The following CSMD1 variants were observed in gnomAD, a reference collection of about 807,000 sequenced individuals.
CSMD1 encodes CUB and Sushi multiple domains 1, also known as CUB and sushi domain-containing protein 1.
CSMD1 carries 213 observed loss-of-function variants against 417.5 expected under a neutral mutation model. That is an observed-to-expected ratio of 0.51 (90% CI 0.46 to 0.57). The LOEUF (loss-of-function observed/expected upper bound fraction) is 0.57, where lower values mean the gene tolerates loss of function less well. Among genes scored for constraint, CSMD1 ranks in the 20% least tolerant of loss-of-function variants. The probability of loss-of-function intolerance (pLI) is 0.00; values close to 1 mark genes in which losing one functional copy is unlikely to be tolerated. For synonymous variants in CSMD1, 2,862 were observed against 1,736.8 expected, an observed-to-expected ratio of 1.65 and a Z score of -16.11; for missense variants, 6,923 against 4,529.7, an observed-to-expected ratio of 1.53 and a Z score of -15.17.
intron 49 of CSMD1, among the ~76,000 whole-genome samples, chr8:3,076,308 G>C (rs1054182507): frequency 1.1e-4 from 8 of 73,778 alleles, no homozygotes; most frequent in African/African-American, 5.6e-4. Flanking sequence ...GTCTCTGCAG[G>C]CTAACTTCCT....
intron 18 of CSMD1, among the ~76,000 whole-genome samples, chr8:3,384,225 GAT>G (rs1563332530): frequency 6.6e-6 from 1 of 151,936 alleles, no homozygotes; most frequent in African/African-American, 2.4e-5. Flanking sequence ...TTGTCTGAGA[GAT>G]AGTCTAAATT....
chr8:3,228,485 C>T (rs553022539), intron 27 of CSMD1, among the ~76,000 whole-genome samples: 2 of 152,290 alleles, frequency 1.3e-5, no homozygotes, highest in East Asian at 3.9e-4. Context: ...ATTGATTATT[C>T]ATCTGCCTGC....
chr8:3,962,249 T>C (rs78088968), intron 5 of CSMD1, among the ~76,000 whole-genome samples: 1 of 152,130 alleles, frequency 6.6e-6, no homozygotes, highest in African/African-American at 2.4e-5. Flanking sequence ...TCACTCCAGA[T>C]TTGGTCATGA....
At chr8:3,663,079 C>G (rs2624086) in intron 7 of CSMD1, among the ~76,000 whole-genome samples, 45,532 of 151,984 alleles carry the variant, frequency 0.3, 7,031 homozygotes, top group African/African-American at 0.32. Context: ...TCAGCAAAAT[C>G]AGAGCCCCAC....
At chr8:4,320,344 TCACA>T (rs1312306703) in intron 3 of CSMD1, among the ~76,000 whole-genome samples, 1 of 152,176 alleles carries the variant, frequency 6.6e-6, no homozygotes, top group Non-Finnish European at 1.5e-5. Flanking sequence ...CCACAAGTCA[TCACA>T]CAAATAAACC....
chr8:4,406,760 AAAT>A (rs1210612203), intron 3 of CSMD1, among the ~76,000 whole-genome samples: 1 of 152,214 alleles, frequency 6.6e-6, no homozygotes, highest in Non-Finnish European at 1.5e-5. Flanking sequence ...ACAAAGAAAA[AAAT>A]AATTTACTAG....
intron 7 of CSMD1, among the ~76,000 whole-genome samples, chr8:3,670,454 A>G (rs533391286): frequency 3.3e-5 from 5 of 150,060 alleles, no homozygotes; most frequent in Admixed American, 6.7e-5. Flanking sequence ...ATATATAAAT[A>G]TCCCATATAT....
At chr8:4,513,851 T>G (rs1348877764) in intron 2 of CSMD1, among the ~76,000 whole-genome samples, 1 of 152,182 alleles carries the variant, frequency 6.6e-6, no homozygotes, top group African/African-American at 2.4e-5. Context: ...AACCATAAAA[T>G]TATTTTCCTC....
intron 1 of CSMD1, among the ~76,000 whole-genome samples, chr8:4,752,009 T>G (rs1400333130): frequency 1.3e-5 from 2 of 152,180 alleles, no homozygotes; most frequent in African/African-American, 4.8e-5. Context: ...CACAAAATAC[T>G]GATTAGTATC....
intron 6 of CSMD1, among the ~76,000 whole-genome samples, chr8:3,720,146 G>A (rs892826889): frequency 2.6e-5 from 4 of 152,110 alleles, no homozygotes; most frequent in African/African-American, 9.7e-5. Flanking sequence ...AGCTTTTCCC[G>A]TTAAACTTCA....
intron 23 of CSMD1, among the ~76,000 whole-genome samples, chr8:3,333,698 C>G (rs977825107): frequency 6.6e-6 from 1 of 152,206 alleles, no homozygotes; most frequent in African/African-American, 2.4e-5. Flanking sequence ...CTATTCTATA[C>G]TTTCCCCTGG....
chr8:3,162,257 G>C lies in CSMD1; in HGVS notation c.5746C>G (p.Gln1916Glu). 6.2e-7 allele frequency: 1 copy of C among 1,608,446 alleles called. No individual in the cohort carries two copies. Among genetic ancestry groups the C allele is most frequent in the Non-Finnish European group, 8.5e-7 (1 of 1,177,192 alleles). ...EYKTVGLAAC[Q>E]EPALPSNSIK... ...CTGTTGCTGGGGAGGGCTGGTTCTTGGCATGCAGCAAGACCTACAGCTAGA... is the reference window on the plus strand; with the variant it reads ...CTGTTGCTGGGGAGGGCTGGTTCTTCGCATGCAGCAAGACCTACAGCTAGA... The change falls in exon 38 of 70, where the codon CAA (glutamine) becomes GAA (glutamate). Residue 1916 changes from glutamine (Q) to glutamate (E), a missense_variant. Gln to Glu is a conservative substitution (Grantham distance 29). Coordinates refer to ENST00000635120, the MANE Select transcript of CSMD1 (RefSeq NM_033225.6).
intron 1 of CSMD1, among the ~76,000 whole-genome samples, chr8:4,898,337 T>C (rs1057071241): frequency 2.6e-5 from 4 of 152,078 alleles, no homozygotes; most frequent in African/African-American, 9.7e-5. Flanking sequence ...CCATTAGATT[T>C]ATAATTATTT....
chr8:4,163,673 A>G (rs4581072), intron 3 of CSMD1, among the ~76,000 whole-genome samples: 59,105 of 151,994 alleles, frequency 0.39, 11,736 homozygotes, highest in Middle Eastern at 0.5. Flanking sequence ...TAATTTTAAA[A>G]CAAGAAGTAA....
intron 1 of CSMD1, among the ~76,000 whole-genome samples, chr8:4,847,137 T>C (rs1298782219): frequency 6.6e-6 from 1 of 152,232 alleles, no homozygotes; most frequent in African/African-American, 2.4e-5. Context: ...CAGATACTTC[T>C]TTGTTTCTGA....
At chr8:3,602,785 T>G (rs1801425432) in intron 8 of CSMD1, among the ~76,000 whole-genome samples, 2 of 151,550 alleles carry the variant, frequency 1.3e-5, no homozygotes, top group South Asian at 4.2e-4. Flanking sequence ...TGAAGAGCAT[T>G]TATATTCAAA....
chr8:2,968,526 T>C (rs1045609297), intron 57 of CSMD1, among the ~76,000 whole-genome samples: 2 of 152,238 alleles, frequency 1.3e-5, no homozygotes, highest in Non-Finnish European at 2.9e-5. Flanking sequence ...TATCCTAATA[T>C]TGGGAATGTC....
chr8:4,956,205 T>G (rs1277231419), intron 1 of CSMD1, among the ~76,000 whole-genome samples: 1 of 151,956 alleles, frequency 6.6e-6, no homozygotes, highest in Non-Finnish European at 1.5e-5. Flanking sequence ...ATTTGTTTTC[T>G]TTTTAAGTTG....
chr8:3,136,231 G>A (rs565925332), intron 41 of CSMD1, among the ~76,000 whole-genome samples: 6 of 151,854 alleles, frequency 4.0e-5, no homozygotes, highest in African/African-American at 1.4e-4. Context: ...GTTGCAGAGA[G>A]GACAACCAAG....
Sources: gnomAD v4.1 joint callset for allele counts (sites outside exome capture counted in the v4.1 genomes callset) on GRCh38, gnomAD v4.1.1 for gene constraint, MANE v1.5 for transcripts, NCBI Gene and HGNC (gene_info 2026-07-23, HGNC 2026-07-21) for gene names.